ZNF385D: variants seen among roughly 807,000 people sequenced by gnomAD.
ZNF385D encodes zinc finger protein 659.
A neutral mutation model predicts 35.8 loss-of-function variants in ZNF385D; 15 were observed. The ratio of observed to expected loss-of-function variants is 0.42; its 90% CI spans 0.28 to 0.64. The LOEUF (loss-of-function observed/expected upper bound fraction) is 0.64. ZNF385D is among the 30% of genes least tolerant of loss of function. The pLI is 0.23. For missense variants in ZNF385D, 474 were observed against 494.6 expected (o/e 0.96, Z 0.39); for synonymous variants, 212 against 186.8 (o/e 1.13, Z -1.10).
chr3:22,318,370 G>C (rs1477077884), intron 2 of ZNF385D, among the ~76,000 whole-genome samples: 1 of 152,244 alleles, frequency 6.6e-6, no homozygotes, highest in East Asian at 1.9e-4. Context: ...CATGAAGAGA[G>C]CAAACATCAG....
chr3:22,197,773 A>G (rs532349654), intron 2 of ZNF385D, among the ~76,000 whole-genome samples: 8 of 152,228 alleles, frequency 5.3e-5, no homozygotes, highest in African/African-American at 1.7e-4. Flanking sequence ...ATGGTTTAGG[A>G]TAAGACAAAT....
At chr3:21,967,982 C>G (rs1703004628) in intron 3 of ZNF385D, among the ~76,000 whole-genome samples, 1 of 152,122 alleles carries the variant, frequency 6.6e-6, no homozygotes, top group Non-Finnish European at 1.5e-5. Context: ...AGTTTTAACA[C>G]CATTTAAGGA....
At chr3:22,284,602 G>A (rs1179658169) in intron 2 of ZNF385D, among the ~76,000 whole-genome samples, 1 of 151,804 alleles carries the variant, frequency 6.6e-6, no homozygotes, top group Non-Finnish European at 1.5e-5. Context: ...TAGACACTGT[G>A]GCTGATCTTA....
intron 4 of ZNF385D, among the ~76,000 whole-genome samples, chr3:21,440,716 C>A (rs112809506): frequency 1.5e-3 from 230 of 152,192 alleles, no homozygotes; most frequent in South Asian, 3.9e-3. Flanking sequence ...ATCTTCTCTG[C>A]AAATCTAAAA....
chr3:21,569,760 G>A (rs1373744764), intron 2 of ZNF385D, among the ~76,000 whole-genome samples: 4 of 151,720 alleles, frequency 2.6e-5, no homozygotes, highest in Admixed American at 2.0e-4. Flanking sequence ...CCTTTGTAGG[G>A]ACATGGATGA....
intron 3 of ZNF385D, among the ~76,000 whole-genome samples, chr3:21,848,959 C>A (rs1696196433): frequency 6.6e-6 from 1 of 152,060 alleles, no homozygotes; most frequent in Admixed American, 6.6e-5. Flanking sequence ...ACATTATCTT[C>A]TATTAAATTT....
intron 3 of ZNF385D, among the ~76,000 whole-genome samples, chr3:22,109,583 G>T (rs2125641514): frequency 6.6e-6 from 1 of 152,288 alleles, no homozygotes; most frequent in Non-Finnish European, 1.5e-5. Flanking sequence ...TGAAGGTGAA[G>T]AGGATTTGAA....
intron 1 of ZNF385D, among the ~76,000 whole-genome samples, chr3:21,707,658 G>A (rs1162419049): frequency 6.6e-6 from 1 of 152,152 alleles, no homozygotes; most frequent in African/African-American, 2.4e-5. Flanking sequence ...CTCCTGAGAT[G>A]GCAGCATTTG....
At chr3:22,250,955 C>T (rs1161190463) in intron 2 of ZNF385D, among the ~76,000 whole-genome samples, 3 of 152,022 alleles carry the variant, frequency 2.0e-5, no homozygotes, top group African/African-American at 4.8e-5. Context: ...TGGGTTTTCA[C>T]GTTTCTCTGC....
chr3:22,003,486 G>A (rs189217238), intron 3 of ZNF385D, among the ~76,000 whole-genome samples: 1 of 152,238 alleles, frequency 6.6e-6, no homozygotes, highest in Admixed American at 6.5e-5. Flanking sequence ...TTATTTTTAA[G>A]AAAGACCATA....
At chr3:21,816,470 A>G (rs1049911964) in intron 3 of ZNF385D, among the ~76,000 whole-genome samples, 2 of 152,214 alleles carry the variant, frequency 1.3e-5, no homozygotes, top group Non-Finnish European at 2.9e-5. Context: ...CTGTTAAGCA[A>G]CTTCAGCAAA....
At chr3:21,876,695 T>C in intron 3 of ZNF385D, among the ~76,000 whole-genome samples, 1 of 150,292 alleles carries the variant, frequency 6.7e-6, no homozygotes, top group Middle Eastern at 3.4e-3. Flanking sequence ...CTTATATTTT[T>C]GATTTTTTTT....
chr3:21,643,174 C>T (rs2065655796), intron 2 of ZNF385D, among the ~76,000 whole-genome samples: 1 of 151,928 alleles, frequency 6.6e-6, no homozygotes. Context: ...GCAATTGAGC[C>T]ACAGTGTATA....
chr3:22,085,858 G>T lies in ZNF385D; in HGVS notation c.325+82959C>A, dbSNP rs191973579. On this transcript the variant is annotated intron_variant, in intron 3 of 5. Transcript: ENST00000494108. Reference sequence around the variant, plus strand: ...GCACATCAAAAAGATTATCCACCATGATCAAGTCAGCTTCATCCCTGAGTT... The same window carrying T: ...GCACATCAAAAAGATTATCCACCATTATCAAGTCAGCTTCATCCCTGAGTT... Among the ~76,000 whole-genome samples, 404 of 152,268 alleles carry T rather than the reference G, an allele frequency of 2.7e-3. 1 individual carries two copies. Among genetic ancestry groups the T allele is most frequent in the African/African-American group, 8.9e-3 (370 of 41,540 alleles).
At chr3:21,798,134 G>A (rs1487526821) in intron 3 of ZNF385D, among the ~76,000 whole-genome samples, 1 of 152,142 alleles carries the variant, frequency 6.6e-6, no homozygotes, top group Non-Finnish European at 1.5e-5. Context: ...TTGGGGTATA[G>A]GAATATGGGA....
At chr3:21,632,086 G>T (rs2125837380) in intron 2 of ZNF385D, among the ~76,000 whole-genome samples, 1 of 152,186 alleles carries the variant, frequency 6.6e-6, no homozygotes, top group South Asian at 2.1e-4. Flanking sequence ...TCTAGGCACT[G>T]TGACACTGTG....
At position 22,206,053 on chromosome 3, in the gene ZNF385D, G is replaced by T. The variant is rs114465734; in HGVS notation, c.107-37018C>A. ...TTATAGAAACACACTTTACCTGTAA[G>T]GACACACATGCTGAAAATAAAAGGA... is the stretch of plus-strand genomic sequence containing the variant. On this transcript the variant is annotated intron_variant, in intron 2 of 5. Transcript: ENST00000494108. Among the ~76,000 whole-genome samples the T allele has an allele frequency of 4.8e-3, 731 of 151,842 alleles. 10 individuals are homozygous for T. Among genetic ancestry groups the T allele is most frequent in the African/African-American group, 0.016 (684 of 41,478 alleles).
intron 2 of ZNF385D, among the ~76,000 whole-genome samples, chr3:22,356,618 T>C (rs1393931154): frequency 2.0e-5 from 3 of 152,002 alleles, no homozygotes; most frequent in Admixed American, 6.6e-5. Flanking sequence ...TTGCAAGTAC[T>C]GTACGAATAT....
intron 2 of ZNF385D, among the ~76,000 whole-genome samples, chr3:21,600,575 C>G (rs2064254830): frequency 6.6e-6 from 1 of 152,122 alleles, no homozygotes; most frequent in South Asian, 2.1e-4. Flanking sequence ...TGCAGAACAT[C>G]AAGTTGGCCT....
Sources: allele counts gnomAD v4.1 joint callset (sites outside exome capture counted in the v4.1 genomes callset), GRCh38; gene constraint gnomAD v4.1.1; transcripts MANE v1.5; gene names NCBI Gene and HGNC (gene_info 2026-07-23, HGNC 2026-07-21).